The following MET variants were observed in gnomAD, a reference collection of about 807,000 sequenced individuals.
MET encodes the protein hepatocyte growth factor receptor.
Under a neutral mutation model 133.1 loss-of-function variants are expected in MET, and 48 were observed. The observed-to-expected ratio is 0.36, with a 90% CI of 0.29 to 0.46. The LOEUF is 0.46. Ranked by LOEUF, MET falls within the 20% of genes least tolerant of loss-of-function variation. MET has a pLI of 1.00. For missense variants in MET, 1,442 were observed against 1,695.9 expected, an observed-to-expected ratio of 0.85 and a Z score of 2.63; for synonymous variants, 628 against 616.5, an observed-to-expected ratio of 1.02 and a Z score of -0.28.
At chr7:116,694,624 G>A (rs577306447) in intron 1 of MET, among the ~76,000 whole-genome samples, 148 of 152,058 alleles carry the variant, frequency 9.7e-4, no homozygotes, top group Non-Finnish European at 1.5e-3. Context: ...ACTTATGTGC[G>A]AACCTTAAGA....
At chr7:116,750,101 CAA>C (rs567685524) in intron 5 of MET, among the ~76,000 whole-genome samples, 1 of 152,014 alleles carries the variant, frequency 6.6e-6, no homozygotes, top group Non-Finnish European at 1.5e-5. Context: ...CATATGGAAC[CAA>C]AAAAGAGCCC....
intron 6 of MET, among the ~76,000 whole-genome samples, chr7:116,756,572 C>T (rs1175872018): frequency 6.6e-6 from 1 of 152,162 alleles, no homozygotes; most frequent in East Asian, 1.9e-4. Flanking sequence ...AATTCATTCT[C>T]TCCTTTAAAA....
At chr7:116,724,682 A>G in intron 2 of MET, 2 of 528,564 alleles carry the variant, frequency 3.8e-6, no homozygotes, top group Middle Eastern at 6.4e-4. Flanking sequence ...TGGAATCGGA[A>G]AAAAAATCAG....
chr7:116,732,175 G>T (rs972032382), intron 3 of MET, among the ~76,000 whole-genome samples: 6 of 152,146 alleles, frequency 3.9e-5, no homozygotes, highest in African/African-American at 1.4e-4. Flanking sequence ...AGCACTTCTA[G>T]GCAATTTTTT....
At chr7:116,772,127 T>C in intron 14 of MET, 138 bp downstream of exon 14, 6 of 913,498 alleles carry the variant, frequency 6.6e-6, no homozygotes, top group Non-Finnish European at 1.0e-5. Flanking sequence ...AAGTAAGTAT[T>C]TGACACAAAA....
intron 5 of MET, among the ~76,000 whole-genome samples, chr7:116,746,952 C>A (rs916340923): frequency 1.3e-5 from 2 of 151,904 alleles, no homozygotes; most frequent in South Asian, 4.2e-4. Flanking sequence ...AAAAAAGAAA[C>A]CCTACAAGCC....
chr7:116,706,783 T>C (rs1434605030), intron 2 of MET, among the ~76,000 whole-genome samples: 1 of 151,964 alleles, frequency 6.6e-6, no homozygotes, highest in Non-Finnish European at 1.5e-5. Context: ...ATATGTGCCC[T>C]AAGTCACATC....
chr7:116,757,508 G>A lies in MET; in HGVS notation c.1934G>A (p.Gly645Glu), dbSNP rs2116920835. ...NMSIIISNGH[G>E]TTQYSTFSYV... Reference sequence around the variant, plus strand: ...TCCATAATTATTTCAAATGGCCACGGGACAACACAATACAGTACATTCTCC... The same window carrying A: ...TCCATAATTATTTCAAATGGCCACGAGACAACACAATACAGTACATTCTCC... Residue 645 changes from glycine (G) to glutamate (E), a missense_variant, in exon 7 of 21, where the codon GGG becomes GAG. Coordinates refer to ENST00000397752, the MANE Select transcript of MET (RefSeq NM_000245.4). 6.2e-7 allele frequency: 1 copy of A among 1,613,644 alleles called. No individual in the cohort carries two copies. The highest frequency in any genetic ancestry group is 8.5e-7 in the Non-Finnish European group (1 of 1,179,832).
intron 10 of MET, among the ~76,000 whole-genome samples, chr7:116,761,671 T>A (rs1794401329): frequency 6.6e-6 from 1 of 152,122 alleles, no homozygotes; most frequent in Non-Finnish European, 1.5e-5. Flanking sequence ...TTTCTTGTTA[T>A]GTAAACAATT....
intron 1 of MET, among the ~76,000 whole-genome samples, chr7:116,698,830 G>T (rs2052978422): frequency 6.6e-6 from 1 of 152,168 alleles, no homozygotes; most frequent in Non-Finnish European, 1.5e-5. Context: ...AACATTGTTT[G>T]CATCTCAATG....
At position 116,797,217 on chromosome 7, in the gene MET, A is replaced by C. The variant is rs1401728449; in HGVS notation, c.*1093A>C. ...AAATAAGACAAGTAATTTGTTGATAAATATTTTTAAAGATAACTCAGCATG... is the reference window on the plus strand; with the variant it reads ...AAATAAGACAAGTAATTTGTTGATACATATTTTTAAAGATAACTCAGCATG... On this transcript the variant is annotated 3_prime_UTR_variant, in exon 21 of 21. Transcript: ENST00000397752. 4.8e-6 allele frequency: 1 copy of C among 209,118 alleles called. No individual in the cohort carries two copies. Among genetic ancestry groups the C allele is most frequent in the Non-Finnish European group, 9.7e-6 (1 of 102,934 alleles). 13.0% of individuals were successfully genotyped at this position (209,118 alleles called of 1,614,324 possible).
At chr7:116,673,057 C>T (rs1014668446) in intron 1 of MET, among the ~76,000 whole-genome samples, 2 of 152,098 alleles carry the variant, frequency 1.3e-5, no homozygotes, top group African/African-American at 4.8e-5. Flanking sequence ...TCACGCGGGG[C>T]TTGTGATCCA....
At chr7:116,735,687 C>T (rs1287728252) in intron 3 of MET, among the ~76,000 whole-genome samples, 1 of 151,530 alleles carries the variant, frequency 6.6e-6, no homozygotes, top group South Asian at 2.1e-4. Context: ...TTACCCATCT[C>T]TTTTATAAAA....
chr7:116,744,897 C>T (rs747153060), intron 5 of MET, among the ~76,000 whole-genome samples: 18 of 152,330 alleles, frequency 1.2e-4, no homozygotes, highest in Non-Finnish European at 1.8e-4. Flanking sequence ...CTCACCACTC[C>T]TATTCAACAT....
At chr7:116,702,107 GACAA>G (rs1791600561) in intron 2 of MET, among the ~76,000 whole-genome samples, 1 of 152,016 alleles carries the variant, frequency 6.6e-6, no homozygotes, top group South Asian at 2.1e-4. Context: ...TTCCAAGGGA[GACAA>G]ACAGACAGGA....
At chr7:116,781,458 C>G (rs933247145) in intron 17 of MET, among the ~76,000 whole-genome samples, 2 of 152,184 alleles carry the variant, frequency 1.3e-5, no homozygotes, top group African/African-American at 4.8e-5. Context: ...ACCTGCCTGA[C>G]AGAAGTGTAG....
chr7:116,701,640 C>G (rs1791586360), intron 2 of MET, among the ~76,000 whole-genome samples: 1 of 152,090 alleles, frequency 6.6e-6, no homozygotes, highest in African/African-American at 2.4e-5. Flanking sequence ...ACTTATTTCC[C>G]CCTACATACA....
intron 11 of MET, among the ~76,000 whole-genome samples, chr7:116,765,018 A>G (rs2237716): frequency 0.058 from 8,790 of 152,198 alleles, 360 homozygotes; most frequent in East Asian, 0.11. Flanking sequence ...TCTACCTCTC[A>G]GCCAGGCACG....
Position 116,769,687 on chromosome 7 carries a change from A to C in MET, c.2626A>C (p.Lys876Gln), listed in dbSNP as rs368891381. 1.2e-6 allele frequency: 2 copies of C among 1,613,720 alleles called. No homozygotes were observed. Among genetic ancestry groups the C allele is most frequent in the East Asian group, 2.2e-5 (1 of 44,858 alleles). ...DPEAVKGEVL[K>Q]VGNKSCENIH... ...TGAAGCAGTTAAAGGTGAAGTGTTA[A>C]AAGTTGGAAATAAGAGCTGTGAGAA... The change falls in exon 12 of 21, where the codon AAA becomes CAA. Residue 876 changes from lysine to glutamine, a missense_variant. Lys to Gln is a moderately conservative substitution (Grantham distance 53, BLOSUM62 1). Around this residue, in one of 6 missense-constraint regions of MET, gnomAD observed 514 missense variants for 659.6 expected, o/e 0.78. Coordinates refer to ENST00000397752, the MANE Select transcript of MET (RefSeq NM_000245.4).
Sources: gnomAD v4.1 joint callset for allele counts (sites outside exome capture counted in the v4.1 genomes callset) on GRCh38, gnomAD v4.1.1 for gene constraint, gnomAD v4.1.1 regional missense constraint, MANE v1.5 for transcripts, NCBI Gene and HGNC (gene_info 2026-07-23, HGNC 2026-07-21) for gene names.